CDH18: variants seen among roughly 807,000 people sequenced by gnomAD.
CDH18 encodes cadherin-18.
In CDH18, 31 loss-of-function variants were observed where a neutral mutation model predicts 67.9. That is an observed-to-expected ratio of 0.46 (90% confidence interval 0.34 to 0.62). CDH18 has a LOEUF of 0.62. Among genes scored for constraint, CDH18 ranks in the 20% least tolerant of loss-of-function variants. CDH18 has a pLI of 0.01. For missense variants in CDH18, 890 were observed against 975.5 expected (o/e 0.91, Z 1.17); for synonymous variants, 362 against 347.2 (o/e 1.04, Z -0.48).
chr5:20,018,504 C>T (rs369474183), intron 2 of CDH18, among the ~76,000 whole-genome samples: 2 of 152,238 alleles, frequency 1.3e-5, no homozygotes, highest in East Asian at 3.9e-4. Context: ...ACACAAAGTT[C>T]ATGTACATAA....
At chr5:19,878,492 T>C (rs1787283259) in intron 2 of CDH18, among the ~76,000 whole-genome samples, 1 of 152,136 alleles carries the variant, frequency 6.6e-6, no homozygotes, top group Non-Finnish European at 1.5e-5. Context: ...CTGTGAATGT[T>C]GTCTGCTTCC....
At chr5:19,910,598 GGAAA>G (rs1479279871) in intron 2 of CDH18, among the ~76,000 whole-genome samples, 9 of 152,014 alleles carry the variant, frequency 5.9e-5, no homozygotes, top group Admixed American at 4.6e-4. Context: ...AGGCACTATG[GGAAA>G]GAAACTATGA....
intron 1 of CDH18, among the ~76,000 whole-genome samples, chr5:20,379,112 T>A (rs1743698761): frequency 6.6e-6 from 1 of 152,120 alleles, no homozygotes; most frequent in Non-Finnish European, 1.5e-5. Context: ...CATTCAAAAT[T>A]TTATTAGAAA....
intron 5 of CDH18, among the ~76,000 whole-genome samples, chr5:19,703,203 T>G (rs973049354): frequency 6.6e-6 from 1 of 152,064 alleles, no homozygotes; most frequent in Non-Finnish European, 1.5e-5. Context: ...AAGTGGTGCC[T>G]ATACATGGGG....
At chr5:20,219,160 C>T (rs1741018036) in intron 2 of CDH18, among the ~76,000 whole-genome samples, 1 of 151,676 alleles carries the variant, frequency 6.6e-6, no homozygotes, top group African/African-American at 2.4e-5. Context: ...AAAAATGAGA[C>T]ATTACAACCA....
intron 3 of CDH18, among the ~76,000 whole-genome samples, chr5:19,836,811 T>G (rs1781698750): frequency 6.6e-6 from 1 of 152,176 alleles, no homozygotes; most frequent in Non-Finnish European, 1.5e-5. Context: ...GGTCTTAGAT[T>G]TAAGTCTTTA....
chr5:19,805,213 A>G (rs1038305921), intron 3 of CDH18, among the ~76,000 whole-genome samples: 1 of 152,016 alleles, frequency 6.6e-6, no homozygotes, highest in Non-Finnish European at 1.5e-5. Context: ...CTCCCAAAGT[A>G]TTGGGATCAC....
chr5:19,613,751 G>T (rs1749381276), intron 5 of CDH18, among the ~76,000 whole-genome samples: 1 of 151,994 alleles, frequency 6.6e-6, no homozygotes, highest in Admixed American at 6.6e-5. Context: ...TTTACTCAGG[G>T]TATATTAACT....
At chr5:20,189,535 C>T (rs1738372858) in intron 2 of CDH18, among the ~76,000 whole-genome samples, 1 of 152,102 alleles carries the variant, frequency 6.6e-6, no homozygotes, top group South Asian at 2.1e-4. Flanking sequence ...AACACACACA[C>T]TTATTTAATC....
chr5:19,784,076 T>G (rs939557610), intron 3 of CDH18, among the ~76,000 whole-genome samples: 1 of 152,200 alleles, frequency 6.6e-6, no homozygotes, highest in Non-Finnish European at 1.5e-5. Flanking sequence ...ATAATTCATT[T>G]AATACATTTT....
chr5:19,566,013 A>C (rs1389497961), intron 8 of CDH18, among the ~76,000 whole-genome samples: 2 of 150,474 alleles, frequency 1.3e-5, no homozygotes, highest in African/African-American at 4.9e-5. Context: ...AAGCTCAAAC[A>C]AATCTATAGA....
At chr5:19,669,167 TATATC>T (rs1758381920) in intron 5 of CDH18, among the ~76,000 whole-genome samples, 2 of 146,478 alleles carry the variant, frequency 1.4e-5, no homozygotes, top group East Asian at 2.0e-4. Flanking sequence ...ATATATCATA[TATATC>T]ATAATAATAC....
At chr5:19,873,938 G>A (rs553402653) in intron 2 of CDH18, among the ~76,000 whole-genome samples, 14 of 152,114 alleles carry the variant, frequency 9.2e-5, no homozygotes, top group African/African-American at 3.4e-4. Context: ...ATGAGCCACC[G>A]TGCCTGGCCA....
chr5:20,051,973 CCT>C (rs1741462668), intron 2 of CDH18, among the ~76,000 whole-genome samples: 1 of 152,010 alleles, frequency 6.6e-6, no homozygotes, highest in Non-Finnish European at 1.5e-5. Flanking sequence ...GGCACAAATA[CCT>C]CTCTCACTTA....
At chr5:20,570,127 A>C (rs1341874492) in intron 1 of CDH18, among the ~76,000 whole-genome samples, 3 of 152,282 alleles carry the variant, frequency 2.0e-5, no homozygotes, top group African/African-American at 7.2e-5. Context: ...TGTTTGTCAA[A>C]ATTTATATAA....
intron 2 of CDH18, among the ~76,000 whole-genome samples, chr5:20,101,621 T>G (rs1746475835): frequency 6.6e-6 from 1 of 152,140 alleles, no homozygotes; most frequent in African/African-American, 2.4e-5. Context: ...ATCGTAAGTG[T>G]GGATTTGTAA....
At chr5:19,755,035 C>T (rs113252381) in intron 3 of CDH18, among the ~76,000 whole-genome samples, 13 of 151,756 alleles carry the variant, frequency 8.6e-5, no homozygotes, top group African/African-American at 3.1e-4. Flanking sequence ...TTTCATAGCC[C>T]TAAATGCCTA....
chr5:20,004,116 T>C (rs1383964962), intron 2 of CDH18, among the ~76,000 whole-genome samples: 1 of 152,166 alleles, frequency 6.6e-6, no homozygotes, highest in Admixed American at 6.6e-5. Context: ...CTAGGGATTG[T>C]CCTTCATATC....
chr5:19,564,383 C>T (rs1472042112), intron 8 of CDH18, among the ~76,000 whole-genome samples: 1 of 152,140 alleles, frequency 6.6e-6, no homozygotes, highest in Non-Finnish European at 1.5e-5. Context: ...AACTTGGATA[C>T]AAGTTCAGCC....
Sources: allele counts gnomAD v4.1 joint callset (sites outside exome capture counted in the v4.1 genomes callset), GRCh38; gene constraint gnomAD v4.1.1; transcripts MANE v1.5; gene names NCBI Gene and HGNC (gene_info 2026-07-23, HGNC 2026-07-21).